CNTNAP2: variants seen among roughly 807,000 people sequenced by gnomAD.
CNTNAP2 encodes contactin associated protein 2.
CNTNAP2 carries 98 observed loss-of-function variants against 155.2 expected under a neutral mutation model. That is an observed-to-expected ratio of 0.63 (90% CI 0.54 to 0.75). The LOEUF (loss-of-function observed/expected upper bound fraction) is 0.75. Ranked by LOEUF, CNTNAP2 falls within the 30% of genes least tolerant of loss-of-function variation. The pLI is 0.00. For missense variants in CNTNAP2, 1,727 were observed against 1,688.1 expected, an observed-to-expected ratio of 1.02 and a Z score of -0.40; for synonymous variants, 651 against 631.2, an observed-to-expected ratio of 1.03 and a Z score of -0.47.
intron 1 of CNTNAP2, among the ~76,000 whole-genome samples, chr7:146,470,061 G>A (rs376386735): frequency 4.4e-4 from 66 of 149,906 alleles, no homozygotes; most frequent in African/African-American, 1.5e-3. Context: ...GGATGGTCTC[G>A]ATCTCCTGAC....
intron 11 of CNTNAP2, among the ~76,000 whole-genome samples, chr7:147,552,571 A>AACACACACACAC (rs34755315): frequency 3.5e-5 from 5 of 142,976 alleles, no homozygotes; most frequent in African/African-American, 1.3e-4. Context: ...TACTTTCCTC[A>AACACACACACAC]ACACACACAC....
intron 12 of CNTNAP2, among the ~76,000 whole-genome samples, chr7:147,573,176 T>C (rs553959826): frequency 1.9e-4 from 29 of 152,286 alleles, no homozygotes; most frequent in African/African-American, 6.7e-4. Flanking sequence ...ATAAAAGTAC[T>C]TGTCTCATTA....
At chr7:147,230,542 G>A (rs1049594997) in intron 8 of CNTNAP2, among the ~76,000 whole-genome samples, 1 of 152,148 alleles carries the variant, frequency 6.6e-6, no homozygotes, top group African/African-American at 2.4e-5. Context: ...AACCATGGTG[G>A]ATGGCCTGAA....
intron 1 of CNTNAP2, among the ~76,000 whole-genome samples, chr7:146,464,033 T>C (rs1796678360): frequency 1.3e-5 from 2 of 152,140 alleles, no homozygotes; most frequent in Non-Finnish European, 1.5e-5. Flanking sequence ...CCTGCTATTA[T>C]TTTAAATTTT....
chr7:147,803,767 GT>G (rs1399329743), intron 13 of CNTNAP2, among the ~76,000 whole-genome samples: 5 of 152,162 alleles, frequency 3.3e-5, no homozygotes, highest in Admixed American at 3.3e-4. Context: ...ATGCTTTAAT[GT>G]GAATACTTGT....
intron 3 of CNTNAP2, among the ~76,000 whole-genome samples, chr7:146,945,051 G>A (rs1217840236): frequency 2.0e-5 from 3 of 152,074 alleles, no homozygotes; most frequent in East Asian, 3.9e-4. Flanking sequence ...CTCAGTGCAC[G>A]TGATAATAAA....
chr7:146,135,977 TAA>T (rs1473898708), intron 1 of CNTNAP2, among the ~76,000 whole-genome samples: 1 of 152,138 alleles, frequency 6.6e-6, no homozygotes, highest in Non-Finnish European at 1.5e-5. Context: ...CTTTTTATTC[TAA>T]TATAATAGTG....
chr7:147,620,251 T>C (rs997493259), intron 12 of CNTNAP2, among the ~76,000 whole-genome samples: 2 of 152,164 alleles, frequency 1.3e-5, no homozygotes, highest in South Asian at 4.1e-4. Flanking sequence ...AATAAATATC[T>C]AGCTTTTTAA....
chr7:146,965,870 T>G (rs1051969009), intron 3 of CNTNAP2, among the ~76,000 whole-genome samples: 2 of 152,198 alleles, frequency 1.3e-5, no homozygotes, highest in African/African-American at 4.8e-5. Flanking sequence ...CACATGACCA[T>G]GGTTTTGAGA....
chr7:147,676,051 G>T (rs1051281547), intron 13 of CNTNAP2, among the ~76,000 whole-genome samples: 1 of 151,998 alleles, frequency 6.6e-6, no homozygotes, highest in Non-Finnish European at 1.5e-5. Context: ...TTAATTTATT[G>T]ATTATATGGA....
At chr7:148,366,044 A>G (rs376086352) in intron 21 of CNTNAP2, among the ~76,000 whole-genome samples, 50 of 1,562 alleles carry the variant, frequency 0.032, 25 homozygotes, top group African/African-American at 0.037. Context: ...GTATGCATGT[A>G]TGCATGTGTG....
chr7:147,345,348 T>C (rs543152348), intron 9 of CNTNAP2, among the ~76,000 whole-genome samples: 1 of 152,330 alleles, frequency 6.6e-6, no homozygotes, highest in African/African-American at 2.4e-5. Context: ...TGTAAAAGCT[T>C]ACATAAATTC....
intron 15 of CNTNAP2, among the ~76,000 whole-genome samples, chr7:147,981,183 A>C (rs1218599872): frequency 1.3e-5 from 2 of 152,218 alleles, no homozygotes; most frequent in African/African-American, 4.8e-5. Flanking sequence ...TCAGGACAAA[A>C]GATGGAACAG....
At chr7:147,431,359 G>A (rs1797463589) in intron 10 of CNTNAP2, among the ~76,000 whole-genome samples, 1 of 152,066 alleles carries the variant, frequency 6.6e-6, no homozygotes, top group African/African-American at 2.4e-5. Flanking sequence ...CCCTTTAATA[G>A]CTTCTGAGAA....
At chr7:146,625,352 CT>C (rs11323746) in intron 1 of CNTNAP2, among the ~76,000 whole-genome samples, 20,763 of 151,712 alleles carry the variant, frequency 0.14, 2,016 homozygotes, top group African/African-American at 0.28. Flanking sequence ...GAAAAGACTA[CT>C]TTGAAAAAAA....
intron 16 of CNTNAP2, among the ~76,000 whole-genome samples, chr7:148,139,436 T>C (rs1268961242): frequency 1.3e-5 from 2 of 152,232 alleles, no homozygotes; most frequent in African/African-American, 4.8e-5. Flanking sequence ...TCTCTCAGCC[T>C]CAGTTTCCTG....
intron 18 of CNTNAP2, among the ~76,000 whole-genome samples, chr7:148,191,388 G>C (rs1034030156): frequency 6.6e-6 from 1 of 152,074 alleles, no homozygotes; most frequent in Non-Finnish European, 1.5e-5. Flanking sequence ...TTGATCTTGA[G>C]CTTCCCAGCT....
At chr7:148,329,539 G>A (rs1182222272) in intron 21 of CNTNAP2, among the ~76,000 whole-genome samples, 1 of 152,188 alleles carries the variant, frequency 6.6e-6, no homozygotes, top group Non-Finnish European at 1.5e-5. Context: ...AGGAACACAG[G>A]ACAGAGGCTG....
At chr7:147,828,006 CT>C (rs1798487826) in intron 13 of CNTNAP2, among the ~76,000 whole-genome samples, 1 of 152,028 alleles carries the variant, frequency 6.6e-6, no homozygotes, top group Non-Finnish European at 1.5e-5. Flanking sequence ...ACACACGATC[CT>C]TTAGGGTACA....
Sources: gnomAD v4.1 joint callset for allele counts (sites outside exome capture counted in the v4.1 genomes callset) on GRCh38, gnomAD v4.1.1 for gene constraint, MANE v1.5 for transcripts, NCBI Gene and HGNC (gene_info 2026-07-23, HGNC 2026-07-21) for gene names.